The following MYO9B variants were observed in gnomAD, a reference collection of about 807,000 sequenced individuals.
MYO9B encodes myosin IXB.
A neutral mutation model predicts 229.5 loss-of-function variants in MYO9B; 71 were observed. The observed-to-expected ratio is 0.31, with a 90% CI of 0.26 to 0.38. The LOEUF (loss-of-function observed/expected upper bound fraction) is 0.38. Among genes scored for constraint, MYO9B ranks in the 10% least tolerant of loss-of-function variants. The pLI is 1.00. For synonymous variants in MYO9B, 1,185 were observed against 1,235.8 expected (o/e 0.96, Z 0.86); for missense variants, 2,255 against 2,920.5 (o/e 0.77, Z 5.25).
rs947584980 is a variant in MYO9B at position 17,143,906 on chromosome 19, G to A, written c.841-1491G>A. On this transcript the variant is annotated intron_variant, in intron 2 of 39. Transcript: ENST00000682292. ...ACTGCACCCCAGCCTGGGCAACAGG[G>A]CAAGACTCTGTCTCAAAATAAAAAA... 2.6e-5 allele frequency among the ~76,000 whole-genome samples: 4 copies of A among 152,128 alleles called. No individual in the cohort carries two copies. In the South Asian group the frequency reaches 8.3e-4, roughly 32 times the overall value.
At chr19:17,209,888 C>T (rs987501973) in intron 36 of MYO9B, among the ~76,000 whole-genome samples, 179 bp downstream of exon 36, 19 of 151,840 alleles carry the variant, frequency 1.3e-4, no homozygotes, top group African/African-American at 3.9e-4. Context: ...GGTGTGGTCT[C>T]GGGTAGCAGG....
intron 10 of MYO9B, among the ~76,000 whole-genome samples, chr19:17,166,978 C>T (rs994444836): frequency 6.6e-6 from 1 of 152,010 alleles, no homozygotes; most frequent in African/African-American, 2.4e-5. Flanking sequence ...TATATGTAAA[C>T]ATGCCTATTG....
chr19:17,172,660 C>G lies in MYO9B; in HGVS notation c.1936-99C>G. On this transcript the variant is annotated intron_variant, in intron 12 of 39. Transcript: ENST00000682292. The surrounding 1 kb of genome is among the most constrained non-coding windows in gnomAD (Gnocchi z 8.2). ...CTGCCATTTGCACTTAGGATGGGCC[C>G]CACCCCACCGTCAGCCCTTCCTGCG... 6.7e-7 allele frequency: 1 copy of G among 1,501,720 alleles called. No individual in the cohort carries two copies. Among genetic ancestry groups the G allele is most frequent in the Non-Finnish European group, 9.2e-7 (1 of 1,088,766 alleles). 93.0% of individuals were successfully genotyped at this position (1,501,720 alleles called of 1,614,324 possible). A position where few individuals can be genotyped will look rare whatever the true frequency, so the allele number is the denominator to read the frequency against.
intron 2 of MYO9B, among the ~76,000 whole-genome samples, chr19:17,120,283 A>G (rs2057949688): frequency 6.6e-6 from 1 of 152,212 alleles, no homozygotes; most frequent in African/African-American, 2.4e-5. Context: ...CGCCCAAGAC[A>G]GGCTGGGCAG....
intron 19 of MYO9B, among the ~76,000 whole-genome samples, chr19:17,190,035 A>C (rs1167627502): frequency 6.8e-6 from 1 of 146,942 alleles, no homozygotes; most frequent in Non-Finnish European, 1.5e-5. Flanking sequence ...ACTGCAGCCC[A>C]GCCTGGGCGG....
chr19:17,110,882 A>G (rs1282953324), intron 2 of MYO9B, among the ~76,000 whole-genome samples: 2 of 152,086 alleles, frequency 1.3e-5, no homozygotes, highest in Non-Finnish European at 2.9e-5. Flanking sequence ...CTTGGGGCAA[A>G]GGAACCTAGG....
At chr19:17,160,445 T>TGAGACAGA (rs1413037400) in intron 8 of MYO9B, among the ~76,000 whole-genome samples, 4 of 151,804 alleles carry the variant, frequency 2.6e-5, no homozygotes, top group Admixed American at 2.6e-4. Context: ...AGCTGAGACC[T>TGAGACAGA]GAATATGTGG....
rs1482508845 is a variant in MYO9B, at chr19:17,141,508, C to CTG, written c.841-3888_841-3887dup. Among the ~76,000 whole-genome samples the CTG allele has an allele frequency of 1.2e-4, 18 of 152,308 alleles. 1 individual carries two copies. In the South Asian group the frequency reaches 3.7e-3, roughly 32 times the overall value. Reference sequence around the variant, plus strand: ...ACACCAGGCCCCAGGACCAGCTCTGCTGCCTCTCTCTCATCTACAAGGCCT... The same window carrying CTG: ...ACACCAGGCCCCAGGACCAGCTCTGCTGTGCCTCTCTCTCATCTACAAGGCCT... On this transcript the variant is annotated intron_variant, in intron 2 of 39. Coordinates refer to ENST00000682292, the MANE Select transcript of MYO9B (RefSeq NM_004145.4).
intron 3 of MYO9B, among the ~76,000 whole-genome samples, chr19:17,148,831 G>T (rs1427562073): frequency 1.3e-5 from 2 of 151,552 alleles, no homozygotes; most frequent in African/African-American, 4.8e-5. Context: ...TGATCCGCCT[G>T]CCTCGGCCTC....
intron 2 of MYO9B, among the ~76,000 whole-genome samples, chr19:17,112,125 T>A (rs2057852991): frequency 6.6e-6 from 1 of 151,952 alleles, no homozygotes; most frequent in African/African-American, 2.4e-5. Flanking sequence ...ACCTCCCCCA[T>A]CAGTGTCCCC....
chr19:17,102,707 C>A, intron 2 of MYO9B, 150 bp downstream of exon 2: 1 of 1,167,012 alleles, frequency 8.6e-7, no homozygotes, highest in Non-Finnish European at 1.2e-6. Context: ...TCAAGATCAG[C>A]CTGGGCAACA....
chr19:17,093,702 G>C (rs760111804), intron 1 of MYO9B, among the ~76,000 whole-genome samples: 21,552 of 132,622 alleles, frequency 0.16, 1,927 homozygotes, highest in African/African-American at 0.18. Context: ...GTGGGGGGGG[G>C]GGTGGTTTGA....
chr19:17,169,098 A>G (rs116641489), intron 11 of MYO9B, among the ~76,000 whole-genome samples: 4,909 of 152,230 alleles, frequency 0.032, 259 homozygotes, highest in African/African-American at 0.11. Flanking sequence ...TCGGCCAGGC[A>G]CAGTGGCTCA....
intron 2 of MYO9B, among the ~76,000 whole-genome samples, chr19:17,109,308 G>T (rs1395451988): frequency 6.6e-6 from 1 of 151,728 alleles, no homozygotes; most frequent in East Asian, 1.9e-4. Context: ...CTCGTGGTCC[G>T]CCCACCTCAG....
chr19:17,207,371 C>G (rs2073174612), intron 35 of MYO9B, 127 bp downstream of exon 35: 1 of 1,300,212 alleles, frequency 7.7e-7, no homozygotes, highest in Non-Finnish European at 1.0e-6. Context: ...GCGGTTCACA[C>G]CTGTAATCCT....
At position 17,172,625 on chromosome 19, in the gene MYO9B, A is replaced by G; in HGVS notation, c.1936-134A>G. The G allele has an allele frequency of 2.7e-6, 4 of 1,457,858 alleles. No individual in the cohort carries two copies. Among genetic ancestry groups the G allele is most frequent in the Non-Finnish European group, 3.8e-6 (4 of 1,066,028 alleles). 90.3% of individuals were successfully genotyped at this position (1,457,858 alleles called of 1,614,324 possible). On this transcript the variant is annotated intron_variant, in intron 12 of 39. Transcript: ENST00000682292. The surrounding 1 kb of genome is among the most constrained non-coding windows in gnomAD (Gnocchi z 8.2). Reference sequence around the variant, plus strand: ...CCGGCTCCAATGTCCAAGGCGCCATAGTTCAAGAACTGCCATTTGCACTTA... The same window carrying G: ...CCGGCTCCAATGTCCAAGGCGCCATGGTTCAAGAACTGCCATTTGCACTTA...
chr19:17,189,119 C>T (rs2072952601), intron 19 of MYO9B, among the ~76,000 whole-genome samples: 1 of 151,530 alleles, frequency 6.6e-6, no homozygotes, highest in African/African-American at 2.4e-5. Flanking sequence ...CGAGATCACG[C>T]CATTGCACTG....
chr19:17,191,047 C>A (rs774084938), intron 19 of MYO9B, 50 bp from the exon 20 acceptor site: 1 of 1,578,854 alleles, frequency 6.3e-7, no homozygotes, highest in South Asian at 1.1e-5. Flanking sequence ...CTCCTCATCG[C>A]TGGCCAGAAC....
intron 1 of MYO9B, among the ~76,000 whole-genome samples, chr19:17,080,997 A>G (rs1056993092): frequency 6.6e-6 from 1 of 152,102 alleles, no homozygotes; most frequent in Non-Finnish European, 1.5e-5. Flanking sequence ...TGAGAAAAGG[A>G]CAAATTCAAA....
Sources: allele counts gnomAD v4.1 joint callset (sites outside exome capture counted in the v4.1 genomes callset), GRCh38; gene constraint gnomAD v4.1.1; non-coding constraint Gnocchi (gnomAD v3.1); transcripts MANE v1.5; gene names NCBI Gene and HGNC (gene_info 2026-07-23, HGNC 2026-07-21).